The following GRM8 variants were observed in gnomAD, a reference collection of about 807,000 sequenced individuals.
GRM8 encodes the protein glutamate metabotropic receptor 8.
In GRM8, 47 loss-of-function variants were observed where a neutral mutation model predicts 87.2. The observed-to-expected ratio is 0.54, with a 90% CI of 0.43 to 0.69. The LOEUF is 0.69. Among genes scored for constraint, GRM8 ranks in the 30% least tolerant of loss-of-function variants. The pLI is 0.00. For missense variants in GRM8, 1,019 were observed against 1,139.2 expected (o/e 0.89, Z 1.52); for synonymous variants, 396 against 404.5 (o/e 0.98, Z 0.25).
chr7:126,701,756 C>T (rs1809957891), intron 7 of GRM8: 1 of 1,231,068 alleles, frequency 8.1e-7, no homozygotes, highest in South Asian at 1.3e-5. Flanking sequence ...AAAATTCTTA[C>T]CCAACTACTG....
At chr7:127,223,469 A>G (rs1797093839) in intron 2 of GRM8, among the ~76,000 whole-genome samples, 1 of 151,170 alleles carries the variant, frequency 6.6e-6, no homozygotes, top group Admixed American at 6.6e-5. Flanking sequence ...ACACACACAC[A>G]CACACACACA....
intron 8 of GRM8, among the ~76,000 whole-genome samples, chr7:126,541,732 G>T (rs1816564679): frequency 6.6e-6 from 1 of 152,168 alleles, no homozygotes; most frequent in African/African-American, 2.4e-5. Flanking sequence ...ATCTAAATTT[G>T]TTAGATACAG....
At chr7:127,060,138 T>C (rs1820463758) in intron 3 of GRM8, among the ~76,000 whole-genome samples, 1 of 152,230 alleles carries the variant, frequency 6.6e-6, no homozygotes, top group South Asian at 2.1e-4. Context: ...TTCATCTTTC[T>C]GAGAATTACA....
chr7:126,814,404 A>G (rs1793579708), intron 6 of GRM8, among the ~76,000 whole-genome samples: 1 of 152,082 alleles, frequency 6.6e-6, no homozygotes, highest in Non-Finnish European at 1.5e-5. Context: ...CAATCCTTGG[A>G]TTCATGTTTC....
At chr7:126,812,234 A>T (rs1793370692) in intron 6 of GRM8, among the ~76,000 whole-genome samples, 5 of 152,058 alleles carry the variant, frequency 3.3e-5, no homozygotes, top group Admixed American at 2.6e-4. Flanking sequence ...TCATGAGATG[A>T]TTTAAAGTAT....
intron 3 of GRM8, among the ~76,000 whole-genome samples, chr7:127,032,099 C>A (rs761892533): frequency 1.3e-5 from 2 of 151,998 alleles, no homozygotes; most frequent in East Asian, 3.9e-4. Context: ...CCTATCACAC[C>A]ATCATGTCCA....
intron 9 of GRM8, among the ~76,000 whole-genome samples, chr7:126,514,053 T>C (rs1811811782): frequency 6.6e-6 from 1 of 152,150 alleles, no homozygotes; most frequent in East Asian, 1.9e-4. Flanking sequence ...AAATAAAATG[T>C]CCTGCTTACC....
At chr7:127,193,300 C>G (rs1314166602) in intron 2 of GRM8, among the ~76,000 whole-genome samples, 2 of 152,146 alleles carry the variant, frequency 1.3e-5, no homozygotes, top group Non-Finnish European at 2.9e-5. Context: ...AATGTAAAAG[C>G]CATAACCTCC....
chr7:126,545,085 T>C (rs1816990687), intron 8 of GRM8, among the ~76,000 whole-genome samples: 1 of 152,194 alleles, frequency 6.6e-6, no homozygotes, highest in Admixed American at 6.5e-5. Flanking sequence ...TTCACTCAAG[T>C]TCTATGCAGA....
At chr7:127,217,413 C>T (rs1796627178) in intron 2 of GRM8, among the ~76,000 whole-genome samples, 2 of 152,306 alleles carry the variant, frequency 1.3e-5, no homozygotes, top group South Asian at 4.1e-4. Flanking sequence ...ACAGAAAAAG[C>T]ACATGCAGCA....
chr7:126,648,986 G>T (rs1254449719), intron 7 of GRM8, among the ~76,000 whole-genome samples: 1 of 152,180 alleles, frequency 6.6e-6, no homozygotes, highest in Non-Finnish European at 1.5e-5. Flanking sequence ...AAAGTCTCAT[G>T]ATCATAGACT....
At chr7:126,923,860 G>C (rs962838191) in intron 3 of GRM8, among the ~76,000 whole-genome samples, 1 of 152,182 alleles carries the variant, frequency 6.6e-6, no homozygotes, top group Non-Finnish European at 1.5e-5. Flanking sequence ...AGAGGTTTGA[G>C]AAAGCTTCTT....
chr7:126,534,402 T>A (rs1479944438), intron 8 of GRM8, among the ~76,000 whole-genome samples: 6 of 152,228 alleles, frequency 3.9e-5, no homozygotes, highest in Non-Finnish European at 8.8e-5. Context: ...ACTTTCCTCA[T>A]GTGTTCATGG....
intron 8 of GRM8, among the ~76,000 whole-genome samples, chr7:126,585,279 T>C (rs1795991730): frequency 6.6e-6 from 1 of 152,164 alleles, no homozygotes; most frequent in Non-Finnish European, 1.5e-5. Context: ...AGGCACTACA[T>C]ATTAAACAAT....
At chr7:126,519,609 T>C (rs531203858) in intron 9 of GRM8, among the ~76,000 whole-genome samples, 1 of 152,156 alleles carries the variant, frequency 6.6e-6, no homozygotes, top group East Asian at 1.9e-4. Context: ...AATGACGGTG[T>C]TAAAACAAAA....
At chr7:127,225,139 T>TC (rs1455081765) in intron 2 of GRM8, among the ~76,000 whole-genome samples, 1 of 152,222 alleles carries the variant, frequency 6.6e-6, no homozygotes, top group African/African-American at 2.4e-5. Flanking sequence ...CATCTGCCCC[T>TC]CCTTCTGCCA....
intron 2 of GRM8, among the ~76,000 whole-genome samples, chr7:127,115,320 T>C (rs1284098964): frequency 6.6e-6 from 1 of 152,128 alleles, no homozygotes; most frequent in Non-Finnish European, 1.5e-5. Flanking sequence ...GAACTAAATG[T>C]ATGGAGAGCT....
At chr7:127,154,218 C>T in intron 2 of GRM8, among the ~76,000 whole-genome samples, 1 of 152,120 alleles carries the variant, frequency 6.6e-6, no homozygotes, top group Non-Finnish European at 1.5e-5. Context: ...GGAACTCAGG[C>T]AGAAAAATAA....
At chr7:127,141,020 A>C (rs1306805133) in intron 2 of GRM8, among the ~76,000 whole-genome samples, 17 of 152,002 alleles carry the variant, frequency 1.1e-4, no homozygotes, top group Admixed American at 1.1e-3. Flanking sequence ...ATGTTAACTC[A>C]ATGTTATTTT....
Sources: allele counts gnomAD v4.1 joint callset (sites outside exome capture counted in the v4.1 genomes callset), GRCh38; gene constraint gnomAD v4.1.1; transcripts MANE v1.5; gene names NCBI Gene and HGNC (gene_info 2026-07-23, HGNC 2026-07-21).